ANKRD17: variants seen among roughly 807,000 people sequenced by gnomAD.
ANKRD17 encodes the protein ankyrin repeat domain 17.
In ANKRD17, 19 loss-of-function variants were observed where a neutral mutation model predicts 229.7. That is an observed-to-expected ratio of 0.08 (90% confidence interval 0.06 to 0.12). The LOEUF (loss-of-function observed/expected upper bound fraction) is 0.12. Among genes scored for constraint, ANKRD17 ranks in the 10% least tolerant of loss-of-function variants. The probability of loss-of-function intolerance (pLI) is 1.00; values close to 1 mark genes in which losing one functional copy is unlikely to be tolerated. For missense variants in ANKRD17, 2,176 were observed against 3,176.8 expected (o/e 0.68, Z 7.57); for synonymous variants, 1,112 against 1,146.1 (o/e 0.97, Z 0.60).
chr4:73,085,998 C>A (rs1051978420), intron 29 of ANKRD17, among the ~76,000 whole-genome samples: 7 of 151,724 alleles, frequency 4.6e-5, no homozygotes, highest in African/African-American at 1.2e-4. Flanking sequence ...CTCACACACA[C>A]AAAAAACTAA....
At position 73,098,203 on chromosome 4, in the gene ANKRD17, T is replaced by C. The variant is rs761762924; in HGVS notation, c.4891A>G (p.Ser1631Gly). The C allele has an allele frequency of 2.5e-6, 4 of 1,614,128 alleles. No homozygotes were observed. The highest frequency in any genetic ancestry group is 3.4e-6 in the Non-Finnish European group (4 of 1,180,050). ...SCSDESSNSNSSRKSDNHSPA... is the reference protein window; with the variant it reads ...SCSDESSNSNGSRKSDNHSPA... ...GAATGATTGTCACTCTTACGACTGC[T>C]GTTGCTGTTACTACTTTCATCGCTG... The change falls in exon 26 of 34, where the codon AGC becomes GGC. Residue 1631 changes from serine (S) to glycine (G), a missense_variant. Physicochemically the swap from Ser to Gly is moderately conservative, Grantham distance 56. This residue lies in a region of ANKRD17 where 98 missense variants were observed against 101.0 expected (regional missense o/e 0.97). Coordinates refer to ENST00000358602, the MANE Select transcript of ANKRD17 (RefSeq NM_032217.5).
At chr4:73,104,050 G>A (rs1459897659) in intron 24 of ANKRD17, 1 of 152,166 alleles carries the variant, frequency 6.6e-6, no homozygotes, top group Non-Finnish European at 1.5e-5. Context: ...GGGCAACAGT[G>A]AAGGAAAACC....
At chr4:73,149,492 G>A (rs1730715971) in intron 7 of ANKRD17, among the ~76,000 whole-genome samples, 1 of 152,138 alleles carries the variant, frequency 6.6e-6, no homozygotes, top group Admixed American at 6.6e-5. Context: ...GGAGAAGTGG[G>A]GGAAGGATAC....
intron 1 of ANKRD17, among the ~76,000 whole-genome samples, chr4:73,214,847 T>TAAAAAAAA (rs766995925): frequency 1.2e-5 from 1 of 85,578 alleles, no homozygotes. Flanking sequence ...TCGTCTCTAT[T>TAAAAAAAA]AAAAAAAAAA....
chr4:73,090,532 CA>C, intron 29 of ANKRD17, 134 bp downstream of exon 29: 2 of 1,079,396 alleles, frequency 1.9e-6, no homozygotes, highest in Non-Finnish European at 2.6e-6. Flanking sequence ...ACACAAACAA[CA>C]GCATCTGAGT....
Position 73,161,600 on chromosome 4 carries a change from T to C in ANKRD17, c.548-252A>G, listed in dbSNP as rs148757161. ...GTGCCAGAAACGGGTCTTTGGCCTATGATGGGACAATTAGACTCTGTCATA... is the reference window on the plus strand; with the variant it reads ...GTGCCAGAAACGGGTCTTTGGCCTACGATGGGACAATTAGACTCTGTCATA... On this transcript the variant is annotated intron_variant, in intron 2 of 33. Transcript: ENST00000358602. Among the ~76,000 whole-genome samples, 36 of 152,334 alleles carry C rather than the reference T, an allele frequency of 2.4e-4. No individual in the cohort carries two copies. In the East Asian group the frequency reaches 6.9e-3, roughly 29 times the overall value.
chr4:73,174,101 G>GGAAGGAAGGAAGGAAGGAAGGAAT (rs1734408951), intron 2 of ANKRD17, among the ~76,000 whole-genome samples: 1 of 73,656 alleles, frequency 1.4e-5, no homozygotes, highest in East Asian at 6.7e-4. Flanking sequence ...GGAGAAGGAA[G>GGAAGGAAGGAAGGAAGGAAGGAAT]GAAGGAAGGA....
At chr4:73,163,081 G>A (rs980287093) in intron 2 of ANKRD17, among the ~76,000 whole-genome samples, 1 of 151,192 alleles carries the variant, frequency 6.6e-6, no homozygotes, top group South Asian at 2.1e-4. Flanking sequence ...GCCCAAGCTG[G>A]TCTTGAACTC....
Position 73,120,182 on chromosome 4 carries a change from G to A in ANKRD17, c.4005C>T (p.Phe1335=), listed in dbSNP as rs778073435. 3 of 1,614,052 alleles carry A rather than the reference G, an allele frequency of 1.9e-6. No homozygotes were observed. Among genetic ancestry groups the A allele is most frequent in the East Asian group, 2.2e-5 (1 of 44,870 alleles). The part of the protein sequence containing the change: ...TIAADKGHYK[F]CELLIGRGAH... ...CATACCTGCCAATAAGAAGCTCACA[G>A]AATTTGTAATGCCCTTTATCTGCTG... The change falls in exon 21 of 34, where the codon TTC becomes TTT. Residue 1335 remains phenylalanine, a synonymous_variant. Transcript: ENST00000358602.
rs186424332 is a variant in ANKRD17, at chr4:73,231,875, A to G, written c.393+26401T>C. On this transcript the variant is annotated intron_variant, in intron 1 of 33. Transcript: ENST00000358602. ...TGTAATAAAGTCTCCATAAACGCCT[A>G]TAAGGACAGGGCGTGAAGGGCTTTC... Among the ~76,000 whole-genome samples, 6 of 152,318 alleles carry G rather than the reference A, an allele frequency of 3.9e-5. No individual in the cohort carries two copies. In the East Asian group the frequency reaches 7.7e-4, roughly 20 times the overall value.
Position 73,258,348 on chromosome 4 carries a change from GCCACCTCCGCCTCCACCGCCGCCTCCA to G in ANKRD17, c.294_320del (p.Gly102_Gly110del). On this transcript the variant is annotated inframe_deletion, in exon 1 of 34. Coordinates refer to ENST00000358602, the MANE Select transcript of ANKRD17 (RefSeq NM_032217.5). ...TGTTGTTACTGCTGGTGCCGCCGCC[GCCACCTCCGCCTCCACCGCCGCCTCCA>G]CCGCCGCCGCTGTTGTCGCTGTCGC... 1 of 1,611,814 alleles carries G rather than the reference GCCACCTCCGCCTCCACCGCCGCCTCCA, an allele frequency of 6.2e-7. No homozygotes were observed. The highest frequency in any genetic ancestry group is 1.3e-5 in the African/African-American group (1 of 74,900).
rs760339086 is a variant in ANKRD17 at position 73,098,049 on chromosome 4, T to C, written c.5021+24A>G. On this transcript the variant is annotated intron_variant, in intron 26 of 33. Coordinates refer to ENST00000358602, the MANE Select transcript of ANKRD17 (RefSeq NM_032217.5). Reference sequence around the variant, plus strand: ...GTATTTCATGATGACACTATAAATATTGAAAATAAAAATTGGAACTAACTT... The same window carrying C: ...GTATTTCATGATGACACTATAAATACTGAAAATAAAAATTGGAACTAACTT... The C allele has an allele frequency of 1.3e-4, 202 of 1,557,990 alleles. No individual in the cohort carries two copies. The African/African-American group carries it at 1.3e-3, about 10-fold the overall frequency.
intron 1 of ANKRD17, among the ~76,000 whole-genome samples, chr4:73,179,514 ATATAT>A (rs1183950899): frequency 3.7e-4 from 24 of 65,144 alleles, no homozygotes; most frequent in African/African-American, 7.0e-4. Context: ...ATATATATAT[ATATAT>A]TTTTTTTTTT....
chr4:73,126,241 A>G (rs1727452581), intron 16 of ANKRD17, among the ~76,000 whole-genome samples: 2 of 152,152 alleles, frequency 1.3e-5, no homozygotes, highest in African/African-American at 4.8e-5. Flanking sequence ...CTGAGTTTTG[A>G]TCAGTCCATG....
chr4:73,116,130 A>G (rs924541261), intron 22 of ANKRD17, among the ~76,000 whole-genome samples: 1 of 151,992 alleles, frequency 6.6e-6, no homozygotes, highest in African/African-American at 2.4e-5. Flanking sequence ...GTACATAATA[A>G]TATGAGCTAA....
intron 9 of ANKRD17, 136 bp downstream of exon 9, chr4:73,147,105 A>T: frequency 1.2e-6 from 1 of 861,968 alleles, no homozygotes; most frequent in Non-Finnish European, 1.7e-6. Context: ...TGTTCAGAAT[A>T]CATACAAAGG....
intron 30 of ANKRD17, among the ~76,000 whole-genome samples, chr4:73,081,329 G>C (rs1721536667): frequency 6.6e-6 from 1 of 152,138 alleles, no homozygotes; most frequent in Admixed American, 6.5e-5. Context: ...ACAAGAAACA[G>C]ACCATGAGTG....
At chr4:73,094,404 C>A (rs1723082540) in intron 27 of ANKRD17, among the ~76,000 whole-genome samples, 176 bp from the exon 28 acceptor site, 1 of 152,160 alleles carries the variant, frequency 6.6e-6, no homozygotes, top group South Asian at 2.1e-4. Flanking sequence ...TCAGGAGCAA[C>A]AGACAGATAA....
intron 1 of ANKRD17, among the ~76,000 whole-genome samples, chr4:73,216,126 T>C (rs540323709): frequency 1.3e-5 from 2 of 152,334 alleles, no homozygotes; most frequent in East Asian, 1.9e-4. Context: ...AGTCTAGTTA[T>C]CTTCCATTAA....
Sources: gnomAD v4.1 joint callset for allele counts (sites outside exome capture counted in the v4.1 genomes callset) on GRCh38, gnomAD v4.1.1 for gene constraint, gnomAD v4.1.1 regional missense constraint, MANE v1.5 for transcripts, NCBI Gene and HGNC (gene_info 2026-07-23, HGNC 2026-07-21) for gene names.